Variants in PPM1L observed in about 807,000 individuals in gnomAD.
PPM1L encodes protein phosphatase, Mg2+/Mn2+ dependent 1L, also known as protein phosphatase 1L.
In PPM1L, 13 loss-of-function variants were observed where a neutral mutation model predicts 31.4. That is an observed-to-expected ratio of 0.41 (90% CI 0.27 to 0.66). The LOEUF is 0.66. Ranked by LOEUF, PPM1L falls within the 30% of genes least tolerant of loss-of-function variation. PPM1L has a pLI of 0.29. For missense variants in PPM1L, 326 were observed against 453.7 expected (o/e 0.72, Z 2.56); for synonymous variants, 184 against 175.4 (o/e 1.05, Z -0.39).
intron 1 of PPM1L, among the ~76,000 whole-genome samples, chr3:160,858,691 A>G (rs1711800293): frequency 6.6e-6 from 1 of 152,188 alleles, no homozygotes; most frequent in South Asian, 2.1e-4. Flanking sequence ...GTTTACTAAA[A>G]CAATGAAGCA....
At chr3:160,783,617 A>G (rs1711813535) in intron 1 of PPM1L, among the ~76,000 whole-genome samples, 1 of 151,520 alleles carries the variant, frequency 6.6e-6, no homozygotes, top group Non-Finnish European at 1.5e-5. Context: ...AAAAAAAAGA[A>G]AAAGAAAGAA....
intron 1 of PPM1L, among the ~76,000 whole-genome samples, chr3:160,800,547 G>A (rs1712392998): frequency 6.6e-6 from 1 of 152,116 alleles, no homozygotes; most frequent in South Asian, 2.1e-4. Context: ...TATGTAGGGA[G>A]AAATCTTCTG....
At position 160,950,697 on chromosome 3, in the gene PPM1L, G is replaced by T. The variant is rs1715552889; in HGVS notation, c.400-11039G>T. On this transcript the variant is annotated intron_variant, in intron 1 of 3. Transcript: ENST00000498165. ...ACTCCTATATAAATAGTGGTTGCCG[G>T]CCAAAGAACAGTTTTATCTGACCAT... Among the ~76,000 whole-genome samples the T allele has an allele frequency of 2.6e-5, 4 of 152,136 alleles. No individual in the cohort carries two copies. The South Asian group carries it at 8.3e-4, about 32-fold the overall frequency.
At chr3:160,822,462 T>C (rs1576654817) in intron 1 of PPM1L, among the ~76,000 whole-genome samples, 1 of 152,098 alleles carries the variant, frequency 6.6e-6, no homozygotes, top group Non-Finnish European at 1.5e-5. Context: ...ATAAAAAATA[T>C]GTATAACAAG....
chr3:160,846,067 A>G (rs913850153), intron 1 of PPM1L, among the ~76,000 whole-genome samples: 5 of 152,138 alleles, frequency 3.3e-5, no homozygotes, highest in Admixed American at 3.3e-4. Flanking sequence ...CAAATAGAAT[A>G]GTATTTAATG....
At chr3:160,898,597 C>A (rs982680661) in intron 1 of PPM1L, among the ~76,000 whole-genome samples, 1 of 152,142 alleles carries the variant, frequency 6.6e-6, no homozygotes. Flanking sequence ...CATGTTGGGG[C>A]TTCTTGAGGA....
intron 2 of PPM1L, among the ~76,000 whole-genome samples, chr3:160,992,790 A>G (rs1490512714): frequency 2.6e-5 from 4 of 152,226 alleles, no homozygotes; most frequent in East Asian, 1.9e-4. Context: ...CTACAAACCA[A>G]GAACTGTGGC....
chr3:160,892,604 C>T (rs1348930848), intron 1 of PPM1L, among the ~76,000 whole-genome samples: 2 of 151,836 alleles, frequency 1.3e-5, no homozygotes, highest in African/African-American at 2.4e-5. Flanking sequence ...GCCTTCAAAC[C>T]AAACTATACA....
chr3:160,983,642 T>G (rs1432179559), intron 2 of PPM1L, among the ~76,000 whole-genome samples: 1 of 152,212 alleles, frequency 6.6e-6, no homozygotes, highest in African/African-American at 2.4e-5. Context: ...ATTACTCTGT[T>G]GTATTCTGTG....
intron 1 of PPM1L, among the ~76,000 whole-genome samples, chr3:160,758,642 A>T (rs1039723522): frequency 2.0e-5 from 3 of 152,168 alleles, no homozygotes; most frequent in African/African-American, 7.2e-5. Context: ...GTAAAACCTG[A>T]AAGTTGCAGA....
chr3:160,945,527 A>T (rs1181786215), intron 1 of PPM1L, among the ~76,000 whole-genome samples: 1 of 152,120 alleles, frequency 6.6e-6, no homozygotes, highest in South Asian at 2.1e-4. Context: ...TCATTAGTTA[A>T]TGGCTGCCAT....
intron 1 of PPM1L, among the ~76,000 whole-genome samples, chr3:160,764,450 T>A (rs1436163495): frequency 6.9e-6 from 1 of 145,302 alleles, no homozygotes; most frequent in Non-Finnish European, 1.5e-5. Flanking sequence ...TGTTATTTAT[T>A]TTAATTCTCC....
At position 160,834,471 on chromosome 3, in the gene PPM1L, A is replaced by ATGTGTGTGTGTG. The variant is rs150328470; in HGVS notation, c.399+77795_399+77806dup. 1.9e-4 allele frequency among the ~76,000 whole-genome samples: 27 copies of ATGTGTGTGTGTG among 139,062 alleles called. 1 individual carries two copies. The highest frequency in any genetic ancestry group is 1.4e-3 in the South Asian group (6 of 4,172). The allele number at this position is 139,062 out of a possible 152,430, so 91.2% of individuals were successfully genotyped here. On this transcript the variant is annotated intron_variant, in intron 1 of 3. Transcript: ENST00000498165. ...TTTTTACATGCATTTGTGTATGTGT[A>ATGTGTGTGTGTG]TGTGTGTGTGTGTGTGTGTGTGTGT...
rs576317608 is a variant in PPM1L at position 160,837,844 on chromosome 3, G to A, written c.399+81137G>A. 3.9e-5 allele frequency among the ~76,000 whole-genome samples: 6 copies of A among 152,174 alleles called. No individual in the cohort carries two copies. The East Asian group carries it at 1.2e-3, about 29-fold the overall frequency. On this transcript the variant is annotated intron_variant, in intron 1 of 3. Transcript: ENST00000498165. ...TTGCACAAGTTCCCATGCCTAGAAG[G>A]GCCCTGAACTTGGTTTAATGCTCTG...
chr3:160,872,047 A>T (rs1478942810), intron 1 of PPM1L, among the ~76,000 whole-genome samples: 2 of 152,182 alleles, frequency 1.3e-5, no homozygotes, highest in Non-Finnish European at 2.9e-5. Flanking sequence ...TTCCTGAGAA[A>T]TAAGTCTTTG....
chr3:161,046,052 A>G (rs1719052713), intron 2 of PPM1L, among the ~76,000 whole-genome samples: 1 of 138,860 alleles, frequency 7.2e-6, no homozygotes, highest in Admixed American at 7.9e-5. Flanking sequence ...CGGAGGTTGC[A>G]GTGAGCCGAG....
At chr3:161,039,495 T>C (rs1287829094) in intron 2 of PPM1L, among the ~76,000 whole-genome samples, 1 of 152,170 alleles carries the variant, frequency 6.6e-6, no homozygotes, top group Non-Finnish European at 1.5e-5. Context: ...ACTTGGAATT[T>C]TATGAAACTC....
At chr3:160,796,819 C>A (rs973010806) in intron 1 of PPM1L, among the ~76,000 whole-genome samples, 1 of 152,138 alleles carries the variant, frequency 6.6e-6, no homozygotes, top group Non-Finnish European at 1.5e-5. Flanking sequence ...CTTTATCAGG[C>A]ACTTAGTAGG....
At chr3:160,849,339 C>G (rs1451976813) in intron 1 of PPM1L, among the ~76,000 whole-genome samples, 3 of 152,180 alleles carry the variant, frequency 2.0e-5, no homozygotes, top group Non-Finnish European at 4.4e-5. Context: ...ATTCAGCATT[C>G]CCTGCATCCA....
Sources: gnomAD v4.1 joint callset for allele counts (sites outside exome capture counted in the v4.1 genomes callset) on GRCh38, gnomAD v4.1.1 for gene constraint, MANE v1.5 for transcripts, NCBI Gene and HGNC (gene_info 2026-07-23, HGNC 2026-07-21) for gene names.